RIF1: variants seen among roughly 807,000 people sequenced by gnomAD.
RIF1 encodes the protein telomere-associated protein RIF1.
A neutral mutation model predicts 247.1 loss-of-function variants in RIF1; 45 were observed. That is an observed-to-expected ratio of 0.18 (90% CI 0.14 to 0.23). The LOEUF (loss-of-function observed/expected upper bound fraction) is 0.23, where lower values mean the gene tolerates loss of function less well. Ranked by LOEUF, RIF1 falls within the 10% of genes least tolerant of loss-of-function variation. The pLI, the probability that RIF1 is intolerant of heterozygous loss-of-function variation, is 1.00. For synonymous variants in RIF1, 1,087 were observed against 978.8 expected, an observed-to-expected ratio of 1.11 and a Z score of -2.06; for missense variants, 2,967 against 2,862.5, an observed-to-expected ratio of 1.04 and a Z score of -0.83.
rs775357289 is a variant in RIF1 at position 151,465,094 on chromosome 2, T to A, written c.5574T>A (p.Asn1858Lys). The change falls in exon 30 of 36, where the codon AAT becomes AAA. Residue 1858 changes from asparagine to lysine, a missense_variant. By Grantham distance (94) the Asn-to-Lys change is moderately conservative (BLOSUM62 0). Around this residue, in one of 7 missense-constraint regions of RIF1, gnomAD observed 2,028 missense variants for 1,825.6 expected, o/e 1.11. Transcript: ENST00000444746. ...AAAGCCAGGAGTCACCTAATGAAAA[T>A]TTTAAAACTGTTGGCCCGTGTTTAG... is the stretch of plus-strand genomic sequence containing the variant. ...SLESQESPNE[N>K]FKTVGPCLGD... 3.7e-5 allele frequency: 60 copies of A among 1,603,508 alleles called. No homozygotes were observed. The highest frequency in any genetic ancestry group is 4.8e-5 in the Non-Finnish European group (56 of 1,177,654).
chr2:151,428,593 T>A (rs1334819552), intron 8 of RIF1, among the ~76,000 whole-genome samples, 191 bp from the exon 9 acceptor site: 2 of 152,228 alleles, frequency 1.3e-5, no homozygotes, highest in Non-Finnish European at 2.9e-5. Context: ...TATTTTCTTA[T>A]ATTCCTAAGA....
Position 151,457,772 on chromosome 2 carries a change from A to G in RIF1, c.2664A>G (p.Leu888=). The change falls in exon 24 of 36, where the codon CTA becomes CTG. Residue 888 remains leucine (L), a synonymous_variant. Transcript: ENST00000444746. Reference sequence around the variant, plus strand: ...TTCGTTTTTCCTAGTTAGAAAAGCTACTGGGAGAAATTATTGCTTGTCTGC... The same window carrying G: ...TTCGTTTTTCCTAGTTAGAAAAGCTGCTGGGAGAAATTATTGCTTGTCTGC... The part of the protein sequence containing the change: ...YSCLNNKLEK[L]LGEIIACLQF... 1 of 1,613,676 alleles carries G rather than the reference A, an allele frequency of 6.2e-7. No homozygotes were observed. The highest frequency in any genetic ancestry group is 8.5e-7 in the Non-Finnish European group (1 of 1,179,766).
intron 34 of RIF1, among the ~76,000 whole-genome samples, chr2:151,470,097 A>G (rs1574163846): frequency 6.6e-6 from 1 of 152,068 alleles, no homozygotes; most frequent in South Asian, 2.1e-4. Flanking sequence ...CATGGCTGCT[A>G]CTGCTAAAAC....
rs368509274 is a variant in RIF1, at chr2:151,463,752, A to G, written c.4232A>G (p.Gln1411Arg). Residue 1411 changes from glutamine (Q) to arginine (R), a missense_variant, in exon 30 of 36, where the codon CAG (glutamine) becomes CGG (arginine). Around this residue, in one of 7 missense-constraint regions of RIF1, gnomAD observed 2,028 missense variants for 1,825.6 expected, o/e 1.11. Transcript: ENST00000444746. ...AGTCAGGTTCAGATAACTCCAAATC[A>G]GAAAACCCTTAGACGGTCTTCAAGG... ...EDSQVQITPN[Q>R]KTLRRSSRRR... 1.3e-5 allele frequency: 21 copies of G among 1,613,928 alleles called. No homozygotes were observed. Among genetic ancestry groups the G allele is most frequent in the Non-Finnish European group, 1.8e-5 (21 of 1,180,008 alleles).
At chr2:151,516,958 T>C in the RIF1 span, among the ~76,000 whole-genome samples, 17 of 152,332 alleles carry the variant, frequency 1.1e-4, no homozygotes, top group African/African-American at 3.8e-4. Context: ...ATATTTCTGA[T>C]AAAAATCCTT....
chr2:151,491,014 G>C (rs2056097844), intron 9 of RIF1, among the ~76,000 whole-genome samples: 1 of 150,892 alleles, frequency 6.6e-6, no homozygotes, highest in Non-Finnish European at 1.5e-5. Context: ...TAAATCCTTT[G>C]AGGACTGTCT....
At chr2:151,485,842 A>G (rs1359128298), downstream of RIF1, 4 of 1,613,948 alleles carry the variant, frequency 2.5e-6, no homozygotes, top group African/African-American at 2.7e-5. Context: ...GCCTTCATCA[A>G]TTGCTTGAAC....
chr2:151,473,862 G>A, intron 34 of RIF1, 102 bp from the exon 35 acceptor site: 1 of 703,216 alleles, frequency 1.4e-6, no homozygotes, highest in South Asian at 1.6e-5. Flanking sequence ...TAGGTTCTAT[G>A]CAATGTTTTC....
chr2:151,534,331 T>C, the RIF1 span: 2 of 1,605,248 alleles, frequency 1.2e-6, no homozygotes, highest in Non-Finnish European at 1.7e-6. Context: ...TGCTCAAACA[T>C]CATAGCATAT....
At chr2:151,485,381 T>G (rs2049576868), downstream of RIF1, 1 of 160,994 alleles carries the variant, frequency 6.2e-6, no homozygotes, top group Admixed American at 6.4e-5. Flanking sequence ...TTGTATTGAT[T>G]ATAAGTTTAT....
intron 9 of RIF1, among the ~76,000 whole-genome samples, chr2:151,429,632 G>A (rs1689715479): frequency 1.3e-5 from 2 of 152,310 alleles, no homozygotes; most frequent in South Asian, 4.1e-4. Context: ...GTAGATGATA[G>A]GAAGCAGTTG....
chr2:151,496,470 C>A, intron 10 of RIF1: 2 of 1,470,436 alleles, frequency 1.4e-6, no homozygotes, highest in South Asian at 2.6e-5. Flanking sequence ...AAAACACAGT[C>A]GTCCAAGGAG....
At chr2:151,459,787 G>A (rs1035660259) in intron 25 of RIF1, among the ~76,000 whole-genome samples, 1 of 152,102 alleles carries the variant, frequency 6.6e-6, no homozygotes, top group Non-Finnish European at 1.5e-5. Flanking sequence ...AAATTGAATG[G>A]TATTAAACAG....
At position 151,474,901 on chromosome 2, in the gene RIF1, C is replaced by T. The variant is rs1367501829; in HGVS notation, c.7249C>T (p.Leu2417Phe). ...VALEIPLSKN[L>F]LAQISALALQ... ...TTTAGAAATTCCATTATCCAAAAAC[C>T]TTCTGGCACAGATTAGTGCTCTTGC... Residue 2417 changes from leucine (L) to phenylalanine (F), a missense_variant, in exon 36 of 36, where the codon CTT (leucine) becomes TTT (phenylalanine). By Grantham distance (22) the Leu-to-Phe change is conservative. Coordinates refer to ENST00000444746, the MANE Select transcript of RIF1 (RefSeq NM_018151.5). 6.2e-7 allele frequency: 1 copy of T among 1,603,354 alleles called. No individual in the cohort carries two copies. The highest frequency in any genetic ancestry group is 8.5e-7 in the Non-Finnish European group (1 of 1,170,474).
chr2:151,414,612 C>T (rs1686874575), intron 3 of RIF1, among the ~76,000 whole-genome samples: 1 of 152,164 alleles, frequency 6.6e-6, no homozygotes, highest in South Asian at 2.1e-4. Flanking sequence ...CAGGTGATCT[C>T]GATCCAGTTT....
intron 10 of RIF1, chr2:151,497,799 C>G (rs775873186): frequency 2.3e-4 from 355 of 1,539,352 alleles, no homozygotes; most frequent in Non-Finnish European, 2.9e-4. Context: ...GAGGAAAAAA[C>G]ACAGTCATCC....
chr2:151,442,344 A>G (rs1692461020), intron 16 of RIF1, among the ~76,000 whole-genome samples: 1 of 150,588 alleles, frequency 6.6e-6, no homozygotes, highest in African/African-American at 2.4e-5. Flanking sequence ...AAATCCTGGG[A>G]TTACAGGTGT....
At position 151,455,023 on chromosome 2, in the gene RIF1, G is replaced by C; in HGVS notation, c.2473G>C (p.Asp825His). 1 of 1,613,840 alleles carries C rather than the reference G, an allele frequency of 6.2e-7. No individual in the cohort carries two copies. The highest frequency in any genetic ancestry group is 8.5e-7 in the Non-Finnish European group (1 of 1,179,878). ...ACTGAGCTTCAAGGAAGCACATTCTGATACCCTCTTCACTATTGGCAACTC... is the reference window on the plus strand; with the variant it reads ...ACTGAGCTTCAAGGAAGCACATTCTCATACCCTCTTCACTATTGGCAACTC... ...HTLSFKEAHS[D>H]TLFTIGNSIT... is the part of the protein sequence containing the mutation. The change falls in exon 22 of 36, where the codon GAT (aspartate) becomes CAT (histidine). Residue 825 changes from aspartate to histidine, a missense_variant. Transcript: ENST00000444746.
intron 19 of RIF1, 44 bp downstream of exon 19, chr2:151,445,489 T>TC: frequency 1.0e-6 from 1 of 961,816 alleles, no homozygotes. Flanking sequence ...TTTGTATTTT[T>TC]CTGAAAATAT....
Sources: allele counts gnomAD v4.1 joint callset (sites outside exome capture counted in the v4.1 genomes callset), GRCh38; gene constraint gnomAD v4.1.1; regional missense constraint gnomAD v4.1.1; transcripts MANE v1.5; gene names NCBI Gene and HGNC (gene_info 2026-07-23, HGNC 2026-07-21).